DNAH1: variants seen among roughly 807,000 people sequenced by gnomAD.
DNAH1 encodes the protein axonemal beta dynein heavy chain 1.
A neutral mutation model predicts 484.3 loss-of-function variants in DNAH1; 327 were observed. That is an observed-to-expected ratio of 0.68 (90% confidence interval 0.62 to 0.74). The LOEUF (loss-of-function observed/expected upper bound fraction) is 0.74, where lower values mean the gene tolerates loss of function less well. Ranked by LOEUF, DNAH1 falls within the 30% of genes least tolerant of loss-of-function variation. The pLI is 0.00. For missense variants in DNAH1, 5,052 were observed against 5,546.8 expected (o/e 0.91, Z 2.83); for synonymous variants, 2,192 against 2,191.9 (o/e 1.00, Z 0.00).
chr3:52,338,871 CAA>C (rs56904725), intron 8 of DNAH1, among the ~76,000 whole-genome samples: 18 of 77,992 alleles, frequency 2.3e-4, no homozygotes, highest in Admixed American at 4.0e-4. Flanking sequence ...ACTAAAAATA[CAA>C]AAAAAAAAAA....
In DNAH1 at chr3:52,353,178, C is replaced by T. The variant is rs200988223; in HGVS notation, c.3103C>T (p.Arg1035Cys). 98 of 1,613,970 alleles carry T rather than the reference C, an allele frequency of 6.1e-5. No individual in the cohort carries two copies. The East Asian group carries it at 1.4e-3, about 23-fold the overall frequency. Residue 1035 changes from arginine (R) to cysteine (C), a missense_variant, in exon 19 of 78, where the codon CGC becomes TGC. By Grantham distance (180) the Arg-to-Cys change is radical (BLOSUM62 -3). Transcript: ENST00000420323. The surrounding 1 kb of genome is among the most constrained non-coding windows in gnomAD (Gnocchi z 5.0). ...TTGGACCACAGCGTCTGACTGGCTG[C>T]GCTGGTCGGAGAGCTGGATGAATGA... ...DLWTTASDWL[R>C]WSESWMNDPL...
chr3:52,360,223 C>A, intron 27 of DNAH1, 88 bp from the exon 28 acceptor site: 1 of 1,497,940 alleles, frequency 6.7e-7, no homozygotes, highest in Non-Finnish European at 9.2e-7. Context: ...TGCCCTCATT[C>A]CCAAAAAGAA....
At chr3:52,321,624 A>T (rs2153222674) in intron 1 of DNAH1, 1 of 151,284 alleles carries the variant, frequency 6.6e-6, no homozygotes, top group East Asian at 2.0e-4. Flanking sequence ...CACAATAAAA[A>T]CTCTATAAAC....
intron 4 of DNAH1, 49 bp downstream of exon 4, chr3:52,326,363 C>T (rs780803009): frequency 6.4e-7 from 1 of 1,568,714 alleles, no homozygotes; most frequent in Non-Finnish European, 8.6e-7. Flanking sequence ...TGGCATCCAC[C>T]CGCCTCAGGG....
At chr3:52,325,844 G>A (rs1701317248) in intron 3 of DNAH1, among the ~76,000 whole-genome samples, 1 of 152,212 alleles carries the variant, frequency 6.6e-6, no homozygotes, top group Non-Finnish European at 1.5e-5. Context: ...CCTGGCTTGA[G>A]CAATGGCCCC....
intron 44 of DNAH1, chr3:52,374,418 A>G: frequency 7.6e-7 from 1 of 1,311,880 alleles, no homozygotes; most frequent in Non-Finnish European, 1.1e-6. Context: ...ACCAGTGGTG[A>G]TGACACTTCT....
At position 52,345,701 on chromosome 3, in the gene DNAH1, TC is replaced by T; in HGVS notation, c.1654del (p.Gln552ArgfsTer14). ...EFEQIQSQTF[S>X]QVQMFLKDSW... ...TGAGCAGATCCAGTCACAGACCTTC[TC>T]CCAGGTTTGTGGGCATCAAGGGCAC... On this transcript the variant is annotated frameshift_variant, in exon 10 of 78. Coordinates refer to ENST00000420323, the MANE Select transcript of DNAH1 (RefSeq NM_015512.5). LOFTEE classifies it high-confidence loss of function. 1 of 1,612,148 alleles carries T rather than the reference TC, an allele frequency of 6.2e-7. No homozygotes were observed. The highest frequency in any genetic ancestry group is 8.5e-7 in the Non-Finnish European group (1 of 1,179,124).
chr3:52,398,371 T>C (rs564407601), intron 75 of DNAH1, among the ~76,000 whole-genome samples: 1 of 152,196 alleles, frequency 6.6e-6, no homozygotes, highest in South Asian at 2.1e-4. Flanking sequence ...AACCTCCACC[T>C]CCCGGGTTCA....
At chr3:52,386,052 TG>T in intron 54 of DNAH1, 107 bp from the exon 55 acceptor site, 1 of 1,287,450 alleles carries the variant, frequency 7.8e-7, no homozygotes, top group Non-Finnish European at 1.1e-6. Context: ...CTGTCACAGC[TG>T]GAGGGCCCTT....
chr3:52,363,435 A>G (rs1702946531), intron 32 of DNAH1, among the ~76,000 whole-genome samples: 1 of 152,236 alleles, frequency 6.6e-6, no homozygotes, highest in African/African-American at 2.4e-5. Flanking sequence ...GGCCTTGATC[A>G]TTAGGGCACC....
intron 9 of DNAH1, 132 bp downstream of exon 9, chr3:52,344,779 G>A (rs1457191006): frequency 9.8e-7 from 1 of 1,021,374 alleles, no homozygotes; most frequent in Non-Finnish European, 1.4e-6. Context: ...CACCTCCCCT[G>A]TCTCCAGCAC....
Position 52,396,548 on chromosome 3 carries a change from A to G in DNAH1, c.11430+10A>G. 2 of 1,612,800 alleles carry G rather than the reference A, an allele frequency of 1.2e-6. No homozygotes were observed. Among genetic ancestry groups the G allele is most frequent in the Non-Finnish European group, 1.7e-6 (2 of 1,179,376 alleles). ...CAACTCCTGCCACAAGGTGAGGCAC[A>G]CTTGGTGCAGGCCTACCCTACCTGC... On this transcript the variant is annotated intron_variant, in intron 71 of 77. Coordinates refer to ENST00000420323, the MANE Select transcript of DNAH1 (RefSeq NM_015512.5).
chr3:52,385,817 C>T (rs949731486), intron 54 of DNAH1, among the ~76,000 whole-genome samples: 65 of 152,224 alleles, frequency 4.3e-4, no homozygotes, highest in African/African-American at 1.5e-3. Flanking sequence ...GTGTCCTGCT[C>T]GGCAAAGTCA....
At position 52,361,070 on chromosome 3, in the gene DNAH1, C is replaced by T. The variant is rs939397271; in HGVS notation, c.4686-94C>T. The T allele has an allele frequency of 3.7e-5, 45 of 1,224,106 alleles. No homozygotes were observed. The highest frequency in any genetic ancestry group is 4.3e-5 in the Non-Finnish European group (40 of 938,734). The allele number at this position is 1,224,106 out of a possible 1,614,324, so 75.8% of individuals were successfully genotyped here. On this transcript the variant is annotated intron_variant, in intron 28 of 77. Coordinates refer to ENST00000420323, the MANE Select transcript of DNAH1 (RefSeq NM_015512.5). The surrounding 1 kb of genome is among the most constrained non-coding windows in gnomAD (Gnocchi z 5.6). Reference sequence around the variant, plus strand: ...CACACCCCAGCCCACCAAAAGGGGACGGGGCGAGAGGCCCCAGTCCACAGG... The same window carrying T: ...CACACCCCAGCCCACCAAAAGGGGATGGGGCGAGAGGCCCCAGTCCACAGG...
At position 52,353,711 on chromosome 3, in the gene DNAH1, G is replaced by A; in HGVS notation, c.3480+78G>A. 2.0e-6 allele frequency: 3 copies of A among 1,535,078 alleles called. No homozygotes were observed. The highest frequency in any genetic ancestry group is 1.8e-6 in the Non-Finnish European group (2 of 1,141,534). On this transcript the variant is annotated intron_variant, in intron 20 of 77. Transcript: ENST00000420323. This position sits in a 1 kb window ranked among gnomAD's most constrained non-coding sequence, Gnocchi z 5.0. Reference sequence around the variant, plus strand: ...CTGACCTCCTGCTCTGGCAACCACAGCCACTTGGGAGGATGACAGTAATAA... The same window carrying A: ...CTGACCTCCTGCTCTGGCAACCACAACCACTTGGGAGGATGACAGTAATAA...
rs1027616720 is a variant in DNAH1 at position 52,349,989 on chromosome 3, A to G, written c.2527A>G (p.Ile843Val). ...AKNLHKEVDS[I>V]CEEFRSISRK... ...CCCCAGCGCCTCCTCCCACTGCCAG[A>G]TCTGCGAGGAGTTCCGCAGCATCAG... Residue 843 changes from isoleucine (I) to valine (V), a missense_variant and splice_region_variant, in exon 15 of 78, where the codon ATC (isoleucine) becomes GTC (valine). Coordinates refer to ENST00000420323, the MANE Select transcript of DNAH1 (RefSeq NM_015512.5). The G allele has an allele frequency of 1.1e-5, 17 of 1,607,368 alleles. No individual in the cohort carries two copies. The highest frequency in any genetic ancestry group is 1.4e-5 in the Non-Finnish European group (17 of 1,177,304).
chr3:52,322,675 G>A lies in DNAH1; in HGVS notation c.233G>A (p.Arg78Gln), dbSNP rs750191626. Residue 78 changes from arginine (R) to glutamine (Q), a missense_variant, in exon 2 of 78, where the codon CGG becomes CAG. By Grantham distance (43) the Arg-to-Gln change is conservative. Around this residue, in one of 4 missense-constraint regions of DNAH1, gnomAD observed 1,263 missense variants for 1,218.8 expected, o/e 1.04. Coordinates refer to ENST00000420323, the MANE Select transcript of DNAH1 (RefSeq NM_015512.5). ...ACACTCTCAGACTTGGGGCAGCCAC[G>A]GAAGTCACCCCTGACAGGCACTGAT... ...PPTLSDLGQP[R>Q]KSPLTGTDKK... 53 of 1,613,660 alleles carry A rather than the reference G, an allele frequency of 3.3e-5. No individual in the cohort carries two copies. The highest frequency in any genetic ancestry group is 1.6e-4 in the Middle Eastern group (1 of 6,084).
rs143138949 is a variant in DNAH1, at chr3:52,398,838, C to T, written c.12090-12C>T. ...CAGCCCACTACCTATTCTCTTGCCACTGGCCTCACAGGTACAATCGGCTGC... is the reference window on the plus strand; with the variant it reads ...CAGCCCACTACCTATTCTCTTGCCATTGGCCTCACAGGTACAATCGGCTGC... On this transcript the variant is annotated splice_polypyrimidine_tract_variant and intron_variant, in intron 75 of 77. Coordinates refer to ENST00000420323, the MANE Select transcript of DNAH1 (RefSeq NM_015512.5). 3 of 1,518,002 alleles carry T rather than the reference C, an allele frequency of 2.0e-6. No homozygotes were observed. Among genetic ancestry groups the T allele is most frequent in the African/African-American group, 1.4e-5 (1 of 72,328 alleles). 94.0% of individuals were successfully genotyped at this position (1,518,002 alleles called of 1,614,324 possible).
Position 52,359,251 on chromosome 3 carries a change from C to T in DNAH1, c.4272C>T (p.Pro1424=). 3 of 1,566,704 alleles carry T rather than the reference C, an allele frequency of 1.9e-6. No homozygotes were observed. The highest frequency in any genetic ancestry group is 2.6e-6 in the Non-Finnish European group (3 of 1,155,082). Residue 1424 remains proline, a synonymous_variant, in exon 26 of 78, where the codon CCC becomes CCT. Transcript: ENST00000420323. ...TGCCCATGCTGTCTTCCCAGATGCC[C>T]AGGACCCAGTGGGTTCTGAACTGGC... The part of the protein sequence containing the change: ...EKAIRAYPTM[P]RTQWVLNWPG...
Sources: allele counts gnomAD v4.1 joint callset (sites outside exome capture counted in the v4.1 genomes callset), GRCh38; gene constraint gnomAD v4.1.1; regional missense constraint gnomAD v4.1.1; non-coding constraint Gnocchi (gnomAD v3.1); transcripts MANE v1.5; gene names NCBI Gene and HGNC (gene_info 2026-07-23, HGNC 2026-07-21).